Variants in DMXL1 observed in about 807,000 individuals in gnomAD.
The protein encoded by DMXL1 is Dmx like 1, also known as dmX-like protein 1.
In DMXL1, 99 loss-of-function variants were observed where a neutral mutation model predicts 319.2. The ratio of observed to expected loss-of-function variants is 0.31; its 90% CI spans 0.26 to 0.37. The LOEUF (loss-of-function observed/expected upper bound fraction) is 0.37. Ranked by LOEUF, DMXL1 falls within the 10% of genes least tolerant of loss-of-function variation. DMXL1 has a pLI of 1.00. For synonymous variants in DMXL1, 1,385 were observed against 1,235.2 expected (o/e 1.12, Z -2.54); for missense variants, 3,745 against 3,595.6 (o/e 1.04, Z -1.06).
At chr5:119,148,024 A>G (rs1346306900) in intron 17 of DMXL1, among the ~76,000 whole-genome samples, 2 of 152,200 alleles carry the variant, frequency 1.3e-5, no homozygotes, top group African/African-American at 4.8e-5. Context: ...TATGCTTGCA[A>G]AAGGTCAAGA....
At chr5:119,139,465 G>A (rs914924112) in intron 13 of DMXL1, among the ~76,000 whole-genome samples, 5 of 152,122 alleles carry the variant, frequency 3.3e-5, no homozygotes, top group Admixed American at 6.5e-5. Context: ...AAAGAAGCCG[G>A]GTTGCCATCC....
intron 9 of DMXL1, among the ~76,000 whole-genome samples, chr5:119,123,430 G>GGAGGGAGAGGGAGAGGAGGGAGAGGAGGA (rs1762752750): frequency 7.3e-6 from 1 of 137,816 alleles, no homozygotes; most frequent in Non-Finnish European, 1.6e-5. Flanking sequence ...GAGAGGGAGA[G>GGAGGGAGAGGGAGAGGAGGGAGAGGAGGA]GAGGGAGAGG....
intron 34 of DMXL1, among the ~76,000 whole-genome samples, chr5:119,211,514 CCTATTAAAATA>C (rs1782803567): frequency 6.6e-6 from 1 of 152,040 alleles, no homozygotes; most frequent in Admixed American, 6.6e-5. Flanking sequence ...ATCATGTTGC[CCTATTAAAATA>C]TGTGTAGAAT....
chr5:119,171,641 C>A, intron 24 of DMXL1, 137 bp from the exon 25 acceptor site: 1 of 642,762 alleles, frequency 1.6e-6, no homozygotes, highest in Non-Finnish European at 2.5e-6. Context: ...TTCTTCACAT[C>A]CCTTCTAACT....
rs576280815 is a variant in DMXL1 at position 119,120,304 on chromosome 5, A to T, written c.934-667A>T. 2.6e-5 allele frequency among the ~76,000 whole-genome samples: 4 copies of T among 152,372 alleles called. No individual in the cohort carries two copies. In the East Asian group the frequency reaches 7.7e-4, roughly 29 times the overall value. Reference sequence around the variant, plus strand: ...TAGTATTCTGATGCCTCAGAATATAATAAATTCTGTATTGATTCAACAACG... The same window carrying T: ...TAGTATTCTGATGCCTCAGAATATATTAAATTCTGTATTGATTCAACAACG... On this transcript the variant is annotated intron_variant, in intron 8 of 43. Coordinates refer to ENST00000539542, the MANE Select transcript of DMXL1 (RefSeq NM_001290321.3).
In DMXL1 at chr5:119,096,865, C is replaced by A. The variant is rs572934850; in HGVS notation, c.88-1114C>A. ...CCACTTATAAATTATTAGCTGCATT[C>A]TAGGCCCTTGTGTTAGAATTGAGGA... is the stretch of plus-strand genomic sequence containing the variant. On this transcript the variant is annotated intron_variant, in intron 1 of 43. Coordinates refer to ENST00000539542, the MANE Select transcript of DMXL1 (RefSeq NM_001290321.3). Among the ~76,000 whole-genome samples, 286 of 152,308 alleles carry A rather than the reference C, an allele frequency of 1.9e-3. 1 individual carries two copies. Among genetic ancestry groups the A allele is most frequent in the African/African-American group, 6.4e-3 (265 of 41,578 alleles).
chr5:119,220,942 CAGA>C lies in DMXL1; in HGVS notation c.8142_8144del (p.Glu2714del). 1.2e-6 allele frequency: 2 copies of C among 1,612,636 alleles called. No homozygotes were observed. Among genetic ancestry groups the C allele is most frequent in the Non-Finnish European group, 1.7e-6 (2 of 1,179,332 alleles). On this transcript the variant is annotated inframe_deletion, in exon 37 of 44. Transcript: ENST00000539542. ...TTCTGGTTGACATTCCTTTATAGAT[CAGA>C]AGATTTCTTGGTTATACATGCTCGT...
chr5:119,124,378 G>A (rs1384933058), intron 9 of DMXL1, among the ~76,000 whole-genome samples: 4 of 151,620 alleles, frequency 2.6e-5, no homozygotes, highest in African/African-American at 9.7e-5. Context: ...CTGTGTGACT[G>A]TCTTGAATGC....
intron 5 of DMXL1, among the ~76,000 whole-genome samples, chr5:119,113,392 C>A (rs991643427): frequency 2.6e-5 from 4 of 152,144 alleles, no homozygotes; most frequent in African/African-American, 9.7e-5. Flanking sequence ...CGGGGGCATG[C>A]CACCACGCCT....
chr5:119,206,941 CA>C (rs1781850223), intron 34 of DMXL1, 45 bp downstream of exon 34: 7 of 1,174,612 alleles, frequency 6.0e-6, no homozygotes, highest in African/African-American at 1.5e-5. Context: ...CATTCTTTCA[CA>C]AAAGAACAAA....
intron 1 of DMXL1, among the ~76,000 whole-genome samples, chr5:119,077,666 GTATA>G (rs1177660364): frequency 6.4e-5 from 8 of 124,108 alleles, no homozygotes; most frequent in Admixed American, 5.5e-4. Context: ...ATGTGTGTGT[GTATA>G]TATATGTGTG....
At chr5:119,194,781 A>G (rs566962743) in intron 30 of DMXL1, among the ~76,000 whole-genome samples, 7 of 152,312 alleles carry the variant, frequency 4.6e-5, no homozygotes, top group Admixed American at 3.3e-4. Context: ...AGGGCTGGGC[A>G]TGGTGGCCTA....
chr5:119,115,698 T>G (rs943441076), intron 6 of DMXL1, among the ~76,000 whole-genome samples: 1 of 152,202 alleles, frequency 6.6e-6, no homozygotes, highest in African/African-American at 2.4e-5. Context: ...ATATTTTATA[T>G]AGTATTTATA....
chr5:119,109,853 A>G (rs534129488), intron 4 of DMXL1, among the ~76,000 whole-genome samples: 1 of 152,290 alleles, frequency 6.6e-6, no homozygotes, highest in South Asian at 2.1e-4. Context: ...CTGCTGAAAT[A>G]TGAACTCATG....
intron 35 of DMXL1, among the ~76,000 whole-genome samples, chr5:119,218,689 T>C (rs1581392004): frequency 6.6e-6 from 1 of 152,080 alleles, no homozygotes; most frequent in Non-Finnish European, 1.5e-5. Context: ...TCGATCTCTT[T>C]ACCTCGTGAT....
intron 28 of DMXL1, 30 bp from the exon 29 acceptor site, chr5:119,189,678 T>G (rs1449945085): frequency 1.9e-6 from 3 of 1,602,410 alleles, no homozygotes; most frequent in Non-Finnish European, 2.6e-6. Context: ...AAAATAGTAC[T>G]TCAGTAACAT....
At chr5:119,173,477 C>G (rs1170496404) in intron 25 of DMXL1, among the ~76,000 whole-genome samples, 1 of 151,516 alleles carries the variant, frequency 6.6e-6, no homozygotes, top group Non-Finnish European at 1.5e-5. Context: ...TGTCTGGACT[C>G]TCTCATTCAT....
chr5:119,110,081 A>T (rs1759241529), intron 4 of DMXL1, 70 bp from the exon 5 acceptor site: 1 of 1,384,834 alleles, frequency 7.2e-7, no homozygotes, highest in East Asian at 2.7e-5. Context: ...TTTATATGAA[A>T]TTCTTGAGCA....
At chr5:119,231,602 T>G in intron 38 of DMXL1, among the ~76,000 whole-genome samples, 1 of 152,190 alleles carries the variant, frequency 6.6e-6, no homozygotes, top group East Asian at 1.9e-4. Context: ...TGAGAACTCT[T>G]AAAACATAGG....
Sources: allele counts gnomAD v4.1 joint callset (sites outside exome capture counted in the v4.1 genomes callset), GRCh38; gene constraint gnomAD v4.1.1; transcripts MANE v1.5; gene names NCBI Gene and HGNC (gene_info 2026-07-23, HGNC 2026-07-21).